The following COL5A3 variants were observed in gnomAD, a reference collection of about 807,000 sequenced individuals.
COL5A3 encodes the protein collagen type V alpha 3 chain.
In COL5A3, 172 loss-of-function variants were observed where a neutral mutation model predicts 250.0. The observed-to-expected ratio is 0.69, with a 90% CI of 0.61 to 0.78. The LOEUF (loss-of-function observed/expected upper bound fraction) is 0.78, where lower values mean the gene tolerates loss of function less well. Among genes scored for constraint, COL5A3 ranks in the 30% least tolerant of loss-of-function variants. The pLI, the probability that COL5A3 is intolerant of heterozygous loss-of-function variation, is 0.00. For synonymous variants in COL5A3, 937 were observed against 900.4 expected, an observed-to-expected ratio of 1.04 and a Z score of -0.73; for missense variants, 2,340 against 2,334.4, an observed-to-expected ratio of 1.00 and a Z score of -0.05.
chr19:9,972,880 C>T, intron 51 of COL5A3, 39 bp downstream of exon 51: 3 of 1,459,370 alleles, frequency 2.1e-6, no homozygotes, highest in Non-Finnish European at 2.8e-6. Context: ...ATTCAAGTGC[C>T]CCCTCCCATG....
In COL5A3 at chr19:10,009,139, T is replaced by C. The variant is rs2087486148; in HGVS notation, c.88+1159A>G. Among the ~76,000 whole-genome samples, 1 of 146,312 alleles carries C rather than the reference T, an allele frequency of 6.8e-6. No homozygotes were observed. Among genetic ancestry groups the C allele is most frequent in the East Asian group, 2.0e-4 (1 of 5,098 alleles). On this transcript the variant is annotated intron_variant, in intron 1 of 66. Coordinates refer to ENST00000264828, the MANE Select transcript of COL5A3 (RefSeq NM_015719.4). The surrounding 1 kb of genome is among the most constrained non-coding windows in gnomAD (Gnocchi z 4.4). Reference sequence around the variant, plus strand: ...CATATGGACAGGCACCTTCCTGGACTCCAAAGTAAGAAGTGTGCTGTGGTG... The same window carrying C: ...CATATGGACAGGCACCTTCCTGGACCCCAAAGTAAGAAGTGTGCTGTGGTG...
At chr19:9,975,294 G>A (rs2086903840) in intron 45 of COL5A3, among the ~76,000 whole-genome samples, 1 of 151,984 alleles carries the variant, frequency 6.6e-6, no homozygotes, top group Non-Finnish European at 1.5e-5. Flanking sequence ...TGGCCAGGCT[G>A]ATATTGAACT....
chr19:10,004,196 C>T (rs917844461), intron 4 of COL5A3, 51 bp from the exon 5 acceptor site: 1 of 1,382,804 alleles, frequency 7.2e-7, no homozygotes, highest in Non-Finnish European at 1.0e-6. Flanking sequence ...CAGCCATAGG[C>T]TTACTCTGAC....
At chr19:10,003,889 G>A in intron 5 of COL5A3, 152 bp downstream of exon 5, 1 of 1,010,686 alleles carries the variant, frequency 9.9e-7, no homozygotes. Context: ...TATGACTTGA[G>A]GTCAAAGTCA....
Position 9,997,399 on chromosome 19 carries a change from G to T in COL5A3, c.1235C>A (p.Pro412Gln). The T allele has an allele frequency of 6.2e-7, 1 of 1,609,382 alleles. No individual in the cohort carries two copies. The highest frequency in any genetic ancestry group is 8.5e-7 in the Non-Finnish European group (1 of 1,178,006). The change falls in exon 11 of 67, where the codon CCA (proline) becomes CAA (glutamine). Residue 412 changes from proline to glutamine, a missense_variant. By Grantham distance (76) the Pro-to-Gln change is moderately conservative (BLOSUM62 -1). Transcript: ENST00000264828. ...TGGACCAGGGTCGCCAGGGAATCCTGGGGGGCCGGGAGGGCCTGAGGGGCC... is the reference window on the plus strand; with the variant it reads ...TGGACCAGGGTCGCCAGGGAATCCTTGGGGGCCGGGAGGGCCTGAGGGGCC... ...VVGPSGPPGP[P>Q]GFPGDPGPPG...
intron 44 of COL5A3, 117 bp downstream of exon 44, chr19:9,977,112 G>C (rs969540929): frequency 2.0e-6 from 2 of 996,480 alleles, no homozygotes; most frequent in African/African-American, 3.2e-5. Flanking sequence ...GATGGTACCC[G>C]AGAAGGCAGA....
At chr19:9,966,489 C>T in intron 63 of COL5A3, 47 bp downstream of exon 63, 1 of 1,557,478 alleles carries the variant, frequency 6.4e-7, no homozygotes, top group South Asian at 1.2e-5. Flanking sequence ...CAACCCCCCC[C>T]ACACCCCCAC....
rs549784102 is a variant in COL5A3, at chr19:9,997,536, C to A, written c.1201-103G>T. On this transcript the variant is annotated intron_variant, in intron 10 of 66. Coordinates refer to ENST00000264828, the MANE Select transcript of COL5A3 (RefSeq NM_015719.4). The stretch of plus-strand genomic sequence containing the variant: ...TAACCTCAGGCTGACCTCCCTACCC[C>A]ACTACAGAGCCACTCCAACTCCCCT... 18 of 688,484 alleles carry A rather than the reference C, an allele frequency of 2.6e-5. 1 individual carries two copies. The South Asian group carries it at 3.1e-4, about 12-fold the overall frequency. 42.6% of individuals were successfully genotyped at this position (688,484 alleles called of 1,614,324 possible).
intron 61 of COL5A3, 48 bp from the exon 62 acceptor site, chr19:9,967,448 T>C: frequency 7.3e-7 from 1 of 1,372,238 alleles, no homozygotes; most frequent in Admixed American, 2.7e-5. Context: ...ATGGAGACCC[T>C]TCCCACCAAC....
chr19:9,984,942 A>ATTTTTTTTTTTTTTTTTTTT (rs71188874), intron 31 of COL5A3, among the ~76,000 whole-genome samples: 2 of 83,006 alleles, frequency 2.4e-5, no homozygotes, highest in African/African-American at 9.9e-5. Context: ...CATCTGGCTA[A>ATTTTTTTTTTTTTTTTTTTT]TTTTTTTTTT....
In COL5A3 at chr19:9,986,277, C is replaced by A. The variant is rs371029789; in HGVS notation, c.2352+38G>T. 40 of 1,369,168 alleles carry A rather than the reference C, an allele frequency of 2.9e-5. No homozygotes were observed. The African/African-American group carries it at 5.5e-4, about 19-fold the overall frequency. The allele number at this position is 1,369,168 out of a possible 1,614,324, so 84.8% of individuals were successfully genotyped here. On this transcript the variant is annotated intron_variant, in intron 30 of 66. Transcript: ENST00000264828. ...GGCAGAGGGAAAAGATTGGGGACAC[C>A]TTGACTGTGGGAGGCTAGAGGGTGG...
Position 9,986,411 on chromosome 19 carries a change from T to C in COL5A3, c.2256A>G (p.Gly752=). ...VGLKGDQGKP[G]APGPRGEDGP... is the part of the protein sequence containing the mutation. ...CATCCTCTCCCCGGGGACCTGGAGC[T>C]CCGGGTTTCCCCTGGAAGAAAAAGG... Residue 752 remains glycine (G), a synonymous_variant, in exon 30 of 67, where the codon GGA becomes GGG. Transcript: ENST00000264828. The C allele has an allele frequency of 6.2e-7, 1 of 1,612,740 alleles. No homozygotes were observed. The highest frequency in any genetic ancestry group is 8.5e-7 in the Non-Finnish European group (1 of 1,179,788).
In COL5A3 at chr19:9,966,331, C is replaced by G. The variant is rs1304193691; in HGVS notation, c.4765G>C (p.Asp1589His). ...TAGGETCLYPDKKFEIVKLAS... is the reference protein window; with the variant it reads ...TAGGETCLYPHKKFEIVKLAS... ...TTACTCACGATCTCAAACTTCTTGT[C>G]GGGATAGAGGCAGGTCTCTCCTCCC... Residue 1589 changes from aspartate (D) to histidine (H), a missense_variant, in exon 64 of 67, where the codon GAC becomes CAC. Coordinates refer to ENST00000264828, the MANE Select transcript of COL5A3 (RefSeq NM_015719.4). The G allele has an allele frequency of 1.2e-6, 2 of 1,606,194 alleles. No individual in the cohort carries two copies. The highest frequency in any genetic ancestry group is 3.4e-5 in the Admixed American group (2 of 59,244).
chr19:10,008,305 A>C (rs1186131734), intron 1 of COL5A3, among the ~76,000 whole-genome samples: 1 of 152,210 alleles, frequency 6.6e-6, no homozygotes, highest in East Asian at 1.9e-4. Context: ...CCCGGCATCC[A>C]ACTCAAAGCT....
chr19:9,999,567 A>T (rs1425350758), intron 8 of COL5A3, among the ~76,000 whole-genome samples: 13 of 142,542 alleles, frequency 9.1e-5, no homozygotes, highest in Non-Finnish European at 1.5e-4. Flanking sequence ...TCCCGGGTTC[A>T]CGCCATTCTG....
chr19:9,964,116 T>G (rs1433065028), intron 64 of COL5A3, among the ~76,000 whole-genome samples: 2 of 152,122 alleles, frequency 1.3e-5, no homozygotes, highest in African/African-American at 4.8e-5. Flanking sequence ...GAAGTTGCAG[T>G]GAACCAAGAT....
chr19:10,003,893 A>G lies in COL5A3; in HGVS notation c.699+148T>C, dbSNP rs142660839. On this transcript the variant is annotated intron_variant, in intron 5 of 66. Transcript: ENST00000264828. Reference sequence around the variant, plus strand: ...TGGCTCAGGAATATGACTTGAGGTCAAAGTCATTCATGCCTGGGATGTGTT... The same window carrying G: ...TGGCTCAGGAATATGACTTGAGGTCGAAGTCATTCATGCCTGGGATGTGTT... 252 of 1,003,108 alleles carry G rather than the reference A, an allele frequency of 2.5e-4. 1 individual carries two copies. In the African/African-American group the frequency reaches 3.8e-3, roughly 15 times the overall value. 62.1% of individuals were successfully genotyped at this position (1,003,108 alleles called of 1,614,324 possible). A position where few individuals can be genotyped will look rare whatever the true frequency, so the allele number is the denominator to read the frequency against.
rs1182795048 is a variant in COL5A3, at chr19:10,010,469, C to T, written c.-84G>A. On this transcript the variant is annotated 5_prime_UTR_variant, in exon 1 of 67. Coordinates refer to ENST00000264828, the MANE Select transcript of COL5A3 (RefSeq NM_015719.4). ...ACTTCTCGGGCTCGGTGCAGTCACT[C>T]GCGGCGGCCGCTCCTCTCAGGGTCC... 2.3e-6 allele frequency: 2 copies of T among 886,292 alleles called. No individual in the cohort carries two copies. Among genetic ancestry groups the T allele is most frequent in the Non-Finnish European group, 3.1e-6 (2 of 649,088 alleles). The allele number at this position is 886,292 out of a possible 1,614,324, so 54.9% of individuals were successfully genotyped here. A position where few individuals can be genotyped will look rare whatever the true frequency, so the allele number is the denominator to read the frequency against.
Position 9,972,949 on chromosome 19 carries a change from G to T in COL5A3, c.3744C>A (p.Pro1248=). ...GAAGPPGKKG[P]PGEDGAKGSV... is the part of the protein sequence containing the mutation. The stretch of plus-strand genomic sequence containing the variant: ...TCCCTTTGGCTCCATCCTCTCCAGG[G>T]GGACCTTTCTTGCCTGGGGGTCCAG... Residue 1248 remains proline (P), a synonymous_variant, in exon 51 of 67, where the codon CCC becomes CCA. Transcript: ENST00000264828. The T allele has an allele frequency of 6.2e-7, 1 of 1,611,262 alleles. No homozygotes were observed. The highest frequency in any genetic ancestry group is 8.5e-7 in the Non-Finnish European group (1 of 1,178,928).
Sources: gnomAD v4.1 joint callset for allele counts (sites outside exome capture counted in the v4.1 genomes callset) on GRCh38, gnomAD v4.1.1 for gene constraint, Gnocchi (gnomAD v3.1) non-coding constraint, MANE v1.5 for transcripts, NCBI Gene and HGNC (gene_info 2026-07-23, HGNC 2026-07-21) for gene names.